GON4L: variants seen among roughly 807,000 people sequenced by gnomAD.
GON4L encodes GON-4-like protein.
Under a neutral mutation model 211.8 loss-of-function variants are expected in GON4L, and 87 were observed. That is an observed-to-expected ratio of 0.41 (90% CI 0.35 to 0.49). GON4L has a LOEUF of 0.49. GON4L is among the 20% of genes least tolerant of loss of function. The probability of loss-of-function intolerance (pLI) is 0.15; values close to 1 mark genes in which losing one functional copy is unlikely to be tolerated. For synonymous variants in GON4L, 875 were observed against 962.6 expected (o/e 0.91, Z 1.68); for missense variants, 2,155 against 2,659.5 (o/e 0.81, Z 4.17).
intron 31 of GON4L, among the ~76,000 whole-genome samples, chr1:155,751,506 G>A (rs1383861803): frequency 6.6e-6 from 1 of 152,124 alleles, no homozygotes; most frequent in Non-Finnish European, 1.5e-5. Flanking sequence ...CTGAGATTGT[G>A]CCACTGCACT....
chr1:155,752,515 G>A lies in GON4L; in HGVS notation c.5918C>T (p.Pro1973Leu). ...AGGAGTCTCTGGTGAATGAGGTGGTGGGCCATCCAGGAGGAGCCGTTCTGT... is the reference window on the plus strand; with the variant it reads ...AGGAGTCTCTGGTGAATGAGGTGGTAGGCCATCCAGGAGGAGCCGTTCTGT... ...TVTERLLLDG[P>L]PPHSPETPQF... Residue 1973 changes from proline (P) to leucine (L), a missense_variant, in exon 30 of 32, where the codon CCA becomes CTA. Pro to Leu is a moderately conservative substitution (Grantham distance 98). Around this residue, in one of 6 missense-constraint regions of GON4L, gnomAD observed 455 missense variants for 504.6 expected, o/e 0.90. Transcript: ENST00000368331. The A allele has an allele frequency of 8.2e-6, 13 of 1,594,918 alleles. No individual in the cohort carries two copies. Among genetic ancestry groups the A allele is most frequent in the Non-Finnish European group, 1.1e-5 (13 of 1,171,142 alleles).
chr1:155,811,261 G>A (rs1221493125), intron 10 of GON4L, among the ~76,000 whole-genome samples: 8 of 151,056 alleles, frequency 5.3e-5, no homozygotes, highest in Non-Finnish European at 3.0e-5. Context: ...CGCATGGTGC[G>A]GGCGCCTGTA....
chr1:155,765,852 A>C lies in GON4L; in HGVS notation c.3621T>G (p.Ile1207Met). Residue 1207 changes from isoleucine to methionine, a missense_variant, in exon 21 of 32, where the codon ATT (isoleucine) becomes ATG (methionine). By Grantham distance (10) the Ile-to-Met change is conservative (BLOSUM62 1). This residue lies in a region of GON4L where 615 missense variants were observed against 625.7 expected (regional missense o/e 0.98). Coordinates refer to ENST00000368331, the MANE Select transcript of GON4L (RefSeq NM_001282860.2). ...GAAGATTCACAGAATTGCCAGAAAC[A>C]ATTAAGGGTGAGACAGAGGAGGCCA... is the stretch of plus-strand genomic sequence containing the variant. ...SLVASSVSPL[I>M]VSGNSVNLPI... 6.2e-7 allele frequency: 1 copy of C among 1,614,194 alleles called. No homozygotes were observed. The highest frequency in any genetic ancestry group is 8.5e-7 in the Non-Finnish European group (1 of 1,180,036).
At chr1:155,818,976 T>G (rs1290255634) in intron 6 of GON4L, among the ~76,000 whole-genome samples, 2 of 144,120 alleles carry the variant, frequency 1.4e-5, no homozygotes, top group Non-Finnish European at 3.0e-5. Context: ...CCAGCCTAGG[T>G]GACAGAGTGA....
intron 16 of GON4L, among the ~76,000 whole-genome samples, chr1:155,775,947 G>T (rs374102408): frequency 3.3e-5 from 5 of 152,050 alleles, no homozygotes; most frequent in African/African-American, 1.2e-4. Context: ...ACCACATCTG[G>T]TTAATTTTTG....
intron 6 of GON4L, among the ~76,000 whole-genome samples, chr1:155,819,625 C>T (rs1330561027): frequency 6.6e-6 from 1 of 152,074 alleles, no homozygotes; most frequent in Non-Finnish European, 1.5e-5. Flanking sequence ...TACATATTTT[C>T]GGTCTGTAAG....
At chr1:155,813,908 C>T (rs1421302823) in intron 9 of GON4L, 104 bp from the exon 10 acceptor site, 8 of 847,480 alleles carry the variant, frequency 9.4e-6, no homozygotes, top group Admixed American at 8.1e-5. Context: ...ACTTTCCATA[C>T]ACCATTGTCC....
At chr1:155,774,703 C>T (rs1377375062) in intron 17 of GON4L, 15 of 482,668 alleles carry the variant, frequency 3.1e-5, no homozygotes, top group South Asian at 4.2e-5. Flanking sequence ...CTCGATCTGA[C>T]TCCTAATACT....
chr1:155,770,057 A>G (rs994597024), intron 19 of GON4L, among the ~76,000 whole-genome samples: 1 of 136,304 alleles, frequency 7.3e-6, no homozygotes, highest in African/African-American at 2.8e-5. Context: ...AAAAAAAAAA[A>G]ATTAATAGGC....
At chr1:155,748,885 C>G, downstream of GON4L, 1 of 1,162,738 alleles carries the variant, frequency 8.6e-7, no homozygotes. Context: ...TGTTCCCTCC[C>G]CACCCCTTAA....
intron 10 of GON4L, among the ~76,000 whole-genome samples, chr1:155,807,703 C>CAAAAAA (rs61248477): frequency 0.71 from 37,341 of 52,644 alleles, 15,096 homozygotes; most frequent in Non-Finnish European, 0.8. Flanking sequence ...GACTCCGTCT[C>CAAAAAA]AAAAAAAAAA....
intron 3 of GON4L, among the ~76,000 whole-genome samples, chr1:155,824,641 G>C (rs1316441293): frequency 6.7e-6 from 1 of 148,618 alleles, no homozygotes; most frequent in Admixed American, 6.8e-5. Context: ...CTACTCAGGA[G>C]GCTGAGGCAG....
intron 11 of GON4L, among the ~76,000 whole-genome samples, chr1:155,803,318 C>T (rs1402365454): frequency 2.0e-5 from 3 of 151,180 alleles, no homozygotes; most frequent in Non-Finnish European, 4.4e-5. Context: ...AATCTCGGCT[C>T]GCTACAACCT....
intron 2 of GON4L, among the ~76,000 whole-genome samples, chr1:155,851,672 C>T (rs1413466023): frequency 6.6e-6 from 1 of 151,476 alleles, no homozygotes; most frequent in Non-Finnish European, 1.5e-5. Context: ...GCTGAGATCA[C>T]GCCACTGTAC....
intron 20 of GON4L, chr1:155,767,024 G>T: frequency 1.8e-6 from 1 of 550,386 alleles, no homozygotes; most frequent in Non-Finnish European, 3.2e-6. Flanking sequence ...GGTGGACAGA[G>T]CAAGACTCTG....
chr1:155,783,968 G>C lies in GON4L; in HGVS notation c.1892+18C>G, dbSNP rs762462659. The C allele has an allele frequency of 4.3e-6, 7 of 1,612,644 alleles. No homozygotes were observed. Among genetic ancestry groups the C allele is most frequent in the East Asian group, 4.5e-5 (2 of 44,892 alleles). On this transcript the variant is annotated intron_variant, in intron 14 of 31. Transcript: ENST00000368331. The stretch of plus-strand genomic sequence containing the variant: ...ACTTTTCCTCTATTCCAAATCTCAA[G>C]GTCTTCAACTAGCCTACCGTAGAGC...
chr1:155,821,069 G>A (rs968577091), intron 5 of GON4L, among the ~76,000 whole-genome samples: 6 of 151,880 alleles, frequency 4.0e-5, no homozygotes, highest in African/African-American at 7.2e-5. Flanking sequence ...GATCGAGACC[G>A]TCCTGGCTAA....
chr1:155,811,048 T>C (rs1445422477), intron 10 of GON4L, among the ~76,000 whole-genome samples: 2 of 151,794 alleles, frequency 1.3e-5, no homozygotes, highest in Non-Finnish European at 2.9e-5. Context: ...CACTAAATGT[T>C]AGAATTACAA....
chr1:155,858,107 G>T (rs772230073), upstream of GON4L, among the ~76,000 whole-genome samples: 4 of 152,132 alleles, frequency 2.6e-5, no homozygotes, highest in Non-Finnish European at 5.9e-5. Flanking sequence ...AGCTAATAAT[G>T]CATTGACCCA....
Sources: gnomAD v4.1 joint callset for allele counts (sites outside exome capture counted in the v4.1 genomes callset) on GRCh38, gnomAD v4.1.1 for gene constraint, gnomAD v4.1.1 regional missense constraint, MANE v1.5 for transcripts, NCBI Gene and HGNC (gene_info 2026-07-23, HGNC 2026-07-21) for gene names.